The following IDH1 variants were observed in gnomAD, a reference collection of about 807,000 sequenced individuals.
IDH1 encodes isocitrate dehydrogenase [NADP] cytoplasmic.
A neutral mutation model predicts 46.1 loss-of-function variants in IDH1; 33 were observed. That is an observed-to-expected ratio of 0.72 (90% confidence interval 0.54 to 0.96). IDH1 has a LOEUF of 0.96. IDH1 is among the 40% of genes least tolerant of loss of function. The pLI is 0.00. For synonymous variants in IDH1, 144 were observed against 172.8 expected (o/e 0.83, Z 1.31); for missense variants, 421 against 515.7 (o/e 0.82, Z 1.78).
In IDH1 at chr2:208,237,102, T is replaced by G. The variant is rs1323632637; in HGVS notation, c.1222A>C (p.Lys408Gln). The change falls in exon 10 of 10, where the codon AAA (lysine) becomes CAA (glutamine). Residue 408 changes from lysine (K) to glutamine (Q), a missense_variant. Lys to Gln is a moderately conservative substitution (Grantham distance 53). Transcript: ENST00000345146. The part of the protein sequence containing the change: ...MDKLGENLKI[K>Q]LAQAKL ...ACTTAAAGTTTGGCCTGAGCTAGTT[T>G]GATCTTCAAGTTTTCTCCAAGTTTA... The G allele has an allele frequency of 7.5e-6, 12 of 1,604,500 alleles. No homozygotes were observed. Among genetic ancestry groups the G allele is most frequent in the Non-Finnish European group, 1.0e-5 (12 of 1,171,730 alleles).
In IDH1 at chr2:208,251,497, T is replaced by C. The variant is rs11554138; in HGVS notation, c.55A>G (p.Thr19Ala). 7.4e-6 allele frequency: 12 copies of C among 1,613,736 alleles called. No homozygotes were observed. The East Asian group carries it at 1.6e-4, about 21-fold the overall frequency. The change falls in exon 3 of 10, where the codon ACA becomes GCA. Residue 19 changes from threonine (T) to alanine (A), a missense_variant. Physicochemically the swap from Thr to Ala is moderately conservative, Grantham distance 58. Transcript: ENST00000345146. ...TTAATCAATTCCCAAATGATTCGTG[T>C]CATTTCATCTCCTTGCATCTCTACC... is the stretch of plus-strand genomic sequence containing the variant. ...SVVEMQGDEM[T>A]RIIWELIKEK...
chr2:208,243,054 G>A (rs1687950429), intron 6 of IDH1, among the ~76,000 whole-genome samples: 1 of 152,178 alleles, frequency 6.6e-6, no homozygotes, highest in Non-Finnish European at 1.5e-5. Context: ...ATGAGCCACC[G>A]TGCCTGGCCA....
intron 4 of IDH1, among the ~76,000 whole-genome samples, chr2:208,245,979 T>C (rs1383651798): frequency 6.6e-6 from 1 of 152,168 alleles, no homozygotes; most frequent in Non-Finnish European, 1.5e-5. Context: ...TACATCAGTC[T>C]TACAAGGAGG....
chr2:208,247,543 C>T (rs904562919), intron 4 of IDH1: 1 of 152,294 alleles, frequency 6.6e-6, no homozygotes, highest in African/African-American at 2.4e-5. Flanking sequence ...TTAAGGGATC[C>T]TCAGGCCTCA....
At chr2:208,239,005 G>A (rs1687867253) in intron 9 of IDH1, 66 bp downstream of exon 9, 4 of 1,356,392 alleles carry the variant, frequency 2.9e-6, no homozygotes, top group Non-Finnish European at 4.2e-6. Flanking sequence ...AGAAAGCACC[G>A]ATGCTCTGAG....
At chr2:208,254,481 C>A (rs1486668868) in intron 1 of IDH1, 1 of 152,296 alleles carries the variant, frequency 6.6e-6, no homozygotes, top group Admixed American at 6.5e-5. Flanking sequence ...GGATCGGCTT[C>A]AAGGCTATTC....
At chr2:208,237,938 A>G (rs887083324) in intron 9 of IDH1, among the ~76,000 whole-genome samples, 5 of 152,020 alleles carry the variant, frequency 3.3e-5, no homozygotes, top group Non-Finnish European at 7.4e-5. Context: ...AAAGAAAAAA[A>G]AAGAAAAACA....
chr2:208,248,210 G>T, intron 4 of IDH1, 159 bp downstream of exon 4: 1 of 648,948 alleles, frequency 1.5e-6, no homozygotes. Context: ...AGCTAAATGT[G>T]TGTAAATATA....
intron 5 of IDH1, among the ~76,000 whole-genome samples, chr2:208,244,236 G>C (rs1177168661): frequency 2.0e-5 from 3 of 152,188 alleles, no homozygotes; most frequent in Admixed American, 6.5e-5. Flanking sequence ...AGCTTCCTGA[G>C]GCCCTCACCA....
intron 4 of IDH1, 42 bp from the exon 5 acceptor site, chr2:208,245,466 C>T (rs1687999849): frequency 1.8e-6 from 2 of 1,088,892 alleles, no homozygotes; most frequent in Non-Finnish European, 2.8e-6. Context: ...AAAAAATACC[C>T]TAGCAGGAAT....
intron 9 of IDH1, among the ~76,000 whole-genome samples, chr2:208,238,333 C>T (rs1223598388): frequency 2.0e-5 from 3 of 152,070 alleles, no homozygotes; most frequent in Non-Finnish European, 4.4e-5. Flanking sequence ...CAGCACCCAG[C>T]GAACACTGCA....
Position 208,251,508 on chromosome 2 carries a change from C to T in IDH1, c.44G>A (p.Gly15Glu), listed in dbSNP as rs776449775. The part of the protein sequence containing the change: ...ISGGSVVEMQ[G>E]DEMTRIIWEL... Reference sequence around the variant, plus strand: ...CCAAATGATTCGTGTCATTTCATCTCCTTGCATCTCTACCACAGAACCGCC... The same window carrying T: ...CCAAATGATTCGTGTCATTTCATCTTCTTGCATCTCTACCACAGAACCGCC... The change falls in exon 3 of 10, where the codon GGA becomes GAA. Residue 15 changes from glycine (G) to glutamate (E), a missense_variant. Transcript: ENST00000345146. 4.3e-6 allele frequency: 7 copies of T among 1,613,764 alleles called. No individual in the cohort carries two copies. Among genetic ancestry groups the T allele is most frequent in the Non-Finnish European group, 5.9e-6 (7 of 1,179,804 alleles).
intron 4 of IDH1, among the ~76,000 whole-genome samples, chr2:208,245,815 AGAG>A (rs1688011940): frequency 7.3e-6 from 1 of 136,820 alleles, no homozygotes; most frequent in Non-Finnish European, 1.6e-5. Context: ...ATAGGATGAC[AGAG>A]GAAAAGAGGT....
intron 2 of IDH1, among the ~76,000 whole-genome samples, chr2:208,253,447 C>T (rs549260808): frequency 6.6e-6 from 1 of 152,246 alleles, no homozygotes; most frequent in African/African-American, 2.4e-5. Flanking sequence ...CCTTTGTTGC[C>T]CCTCAGATTT....
chr2:208,251,721 A>G (rs559400240), intron 2 of IDH1, among the ~76,000 whole-genome samples, 154 bp from the exon 3 acceptor site: 2 of 152,346 alleles, frequency 1.3e-5, no homozygotes, highest in South Asian at 2.1e-4. Flanking sequence ...AGCTAGTAAC[A>G]GCAATTCTAT....
Position 208,240,403 on chromosome 2 carries a change from T to A in IDH1, c.851-400A>T, listed in dbSNP as rs1012187112. 10 of 163,058 alleles carry A rather than the reference T, an allele frequency of 6.1e-5. No individual in the cohort carries two copies. The East Asian group carries it at 1.0e-3, about 17-fold the overall frequency. The allele number at this position is 163,058 out of a possible 1,614,324, so 10.1% of individuals were successfully genotyped here. On this transcript the variant is annotated intron_variant, in intron 7 of 9. Transcript: ENST00000345146. ...ATAAATATACATATATTCATAAATA[T>A]ATATGAATATATATTTATATTCCTT... is the stretch of plus-strand genomic sequence containing the variant.
intron 6 of IDH1, among the ~76,000 whole-genome samples, chr2:208,242,421 C>A (rs1475153947): frequency 6.6e-6 from 1 of 152,198 alleles, no homozygotes; most frequent in Admixed American, 6.5e-5. Context: ...CCAATGACTA[C>A]TTCACTTTTC....
chr2:208,248,538 C>G lies in IDH1; in HGVS notation c.245G>C (p.Arg82Thr), dbSNP rs775186249. 1.2e-6 allele frequency: 2 copies of G among 1,614,174 alleles called. No individual in the cohort carries two copies. Among genetic ancestry groups the G allele is most frequent in the Non-Finnish European group, 1.7e-6 (2 of 1,180,024 alleles). ...KCATITPDEK[R>T]VEEFKLKQMW... ...TTGTTTCAACTTGAACTCCTCAACC[C>G]TCTTCTCATCAGGAGTGATAGTGGC... The change falls in exon 4 of 10, where the codon AGG (arginine) becomes ACG (threonine). Residue 82 changes from arginine to threonine, a missense_variant. Coordinates refer to ENST00000345146, the MANE Select transcript of IDH1 (RefSeq NM_005896.4).
At chr2:208,252,647 C>G (rs1688145306) in intron 2 of IDH1, among the ~76,000 whole-genome samples, 1 of 152,132 alleles carries the variant, frequency 6.6e-6, no homozygotes, top group South Asian at 2.1e-4. Context: ...AGAGAATTGA[C>G]TTTAAAGAAT....
Sources: gnomAD v4.1 joint callset for allele counts (sites outside exome capture counted in the v4.1 genomes callset) on GRCh38, gnomAD v4.1.1 for gene constraint, MANE v1.5 for transcripts, NCBI Gene and HGNC (gene_info 2026-07-23, HGNC 2026-07-21) for gene names.